Variants in CSMD1 observed in about 807,000 individuals in gnomAD.
CSMD1 encodes the protein CUB and Sushi multiple domains 1, also known as CUB and sushi domain-containing protein 1.
Under a neutral mutation model 417.5 loss-of-function variants are expected in CSMD1, and 213 were observed. The observed-to-expected ratio is 0.51, with a 90% CI of 0.46 to 0.57. The LOEUF (loss-of-function observed/expected upper bound fraction) is 0.57, where lower values mean the gene tolerates loss of function less well. Ranked by LOEUF, CSMD1 falls within the 20% of genes least tolerant of loss-of-function variation. The pLI is 0.00. For synonymous variants in CSMD1, 2,862 were observed against 1,736.8 expected, an observed-to-expected ratio of 1.65 and a Z score of -16.11; for missense variants, 6,923 against 4,529.7, an observed-to-expected ratio of 1.53 and a Z score of -15.17.
chr8:3,011,367 CTGTGATATAAGCATTATCATAATCAGT>C (rs145549991), intron 52 of CSMD1, among the ~76,000 whole-genome samples: 3,123 of 152,224 alleles, frequency 0.021, 111 homozygotes, highest in African/African-American at 0.07. Flanking sequence ...TTCTGCTCTG[CTGTGATATAAGCATTATCATAATCAGT>C]TGTTTTATTA....
chr8:3,960,468 T>A (rs1585037526), intron 5 of CSMD1, among the ~76,000 whole-genome samples: 1 of 152,202 alleles, frequency 6.6e-6, no homozygotes, highest in African/African-American at 2.4e-5. Context: ...GGGGCGAATA[T>A]TATTTATGCC....
intron 2 of CSMD1, among the ~76,000 whole-genome samples, chr8:4,485,163 T>G (rs976394996): frequency 6.6e-6 from 1 of 152,124 alleles, no homozygotes; most frequent in Non-Finnish European, 1.5e-5. Context: ...TCCTTAGATG[T>G]CTACTGATTT....
At chr8:4,204,788 G>A (rs146556910) in intron 3 of CSMD1, among the ~76,000 whole-genome samples, 4 of 152,152 alleles carry the variant, frequency 2.6e-5, no homozygotes, top group Non-Finnish European at 4.4e-5. Context: ...CTGAGTAGCT[G>A]AGACCACAGG....
In CSMD1 at chr8:4,045,921, AT is replaced by A. The variant is rs35979962; in HGVS notation, c.416-13823del. 1.8e-4 allele frequency among the ~76,000 whole-genome samples: 27 copies of A among 152,052 alleles called. 1 individual carries two copies. The highest frequency in any genetic ancestry group is 3.9e-4 in the Admixed American group (6 of 15,260). On this transcript the variant is annotated intron_variant, in intron 3 of 69. Coordinates refer to ENST00000635120, the MANE Select transcript of CSMD1 (RefSeq NM_033225.6). Reference sequence around the variant, plus strand: ...TGGTGAACACACACAGGTATTACATATTTTCTGGAAAAATACATCTAAGTCA... The same window carrying A: ...TGGTGAACACACACAGGTATTACATATTTCTGGAAAAATACATCTAAGTCA...
chr8:3,355,162 C>G (rs979613116), intron 21 of CSMD1, among the ~76,000 whole-genome samples: 1 of 151,150 alleles, frequency 6.6e-6, no homozygotes, highest in African/African-American at 2.5e-5. Flanking sequence ...TACAGTTAAT[C>G]AATAAGAGGA....
At chr8:3,108,485 T>C (rs1816292016) in intron 44 of CSMD1, 118 bp downstream of exon 44, 1 of 1,018,236 alleles carries the variant, frequency 9.8e-7, no homozygotes, top group Admixed American at 2.8e-5. Context: ...TGCAAAAGAA[T>C]CATACACGCC....
intron 1 of CSMD1, among the ~76,000 whole-genome samples, chr8:4,928,018 C>A (rs28651086): frequency 2.7e-3 from 410 of 152,290 alleles, no homozygotes; most frequent in African/African-American, 9.0e-3. Context: ...TCCTCAGCGG[C>A]AAAAGTAGAA....
intron 38 of CSMD1, among the ~76,000 whole-genome samples, chr8:3,160,953 C>A (rs1227860293): frequency 6.6e-6 from 1 of 152,208 alleles, no homozygotes; most frequent in Non-Finnish European, 1.5e-5. Flanking sequence ...CCACACAGTG[C>A]TGTTATTTCA....
chr8:4,021,563 C>T (rs1340531166), intron 4 of CSMD1, among the ~76,000 whole-genome samples: 1 of 152,150 alleles, frequency 6.6e-6, no homozygotes, highest in Non-Finnish European at 1.5e-5. Context: ...GCAGGTGCAC[C>T]TGGGATCATC....
intron 7 of CSMD1, among the ~76,000 whole-genome samples, chr8:3,682,902 T>C (rs1799739651): frequency 1.3e-5 from 2 of 152,172 alleles, no homozygotes; most frequent in Admixed American, 1.3e-4. Flanking sequence ...GAAACATGGA[T>C]GAAGCTGGAA....
intron 2 of CSMD1, among the ~76,000 whole-genome samples, chr8:4,474,240 A>G (rs1357180543): frequency 6.6e-6 from 1 of 152,316 alleles, no homozygotes; most frequent in African/African-American, 2.4e-5. Flanking sequence ...GTATAACACG[A>G]GACATAAATT....
intron 5 of CSMD1, among the ~76,000 whole-genome samples, chr8:3,806,373 C>T (rs1800741752): frequency 1.3e-5 from 2 of 152,202 alleles, no homozygotes; most frequent in South Asian, 4.1e-4. Flanking sequence ...ACCAATATGC[C>T]CCTGAAGCCT....
intron 3 of CSMD1, among the ~76,000 whole-genome samples, chr8:4,312,497 G>A (rs1798686007): frequency 6.9e-6 from 1 of 144,168 alleles, no homozygotes; most frequent in Non-Finnish European, 1.5e-5. Context: ...AGAACTCTAT[G>A]TTTCCAGTTT....
chr8:4,365,706 T>G (rs1802030165), intron 3 of CSMD1, among the ~76,000 whole-genome samples: 1 of 152,196 alleles, frequency 6.6e-6, no homozygotes, highest in Non-Finnish European at 1.5e-5. Flanking sequence ...AGCCTGAGAC[T>G]TTCTGCCACG....
intron 3 of CSMD1, among the ~76,000 whole-genome samples, chr8:4,041,096 A>G (rs547494496): frequency 2.8e-5 from 4 of 140,924 alleles, no homozygotes; most frequent in East Asian, 2.1e-4. Context: ...GGCTCACTGC[A>G]AGCTCCGCCT....
chr8:4,648,682 AT>A (rs1803690522), intron 1 of CSMD1, among the ~76,000 whole-genome samples: 1 of 152,058 alleles, frequency 6.6e-6, no homozygotes, highest in Non-Finnish European at 1.5e-5. Flanking sequence ...CTTTTACTGG[AT>A]TTTTAACATT....
intron 26 of CSMD1, among the ~76,000 whole-genome samples, chr8:3,251,738 A>C (rs957841644): frequency 3.9e-5 from 6 of 152,086 alleles, no homozygotes; most frequent in African/African-American, 1.2e-4. Flanking sequence ...TTTTTATTTC[A>C]TTGAGCAGTG....
At chr8:4,730,600 G>T (rs1290093305) in intron 1 of CSMD1, among the ~76,000 whole-genome samples, 1 of 152,042 alleles carries the variant, frequency 6.6e-6, no homozygotes, top group Non-Finnish European at 1.5e-5. Context: ...AATTAGCCGG[G>T]CGTGGTGGCG....
intron 23 of CSMD1, among the ~76,000 whole-genome samples, chr8:3,328,774 A>T (rs1275766603): frequency 2.0e-5 from 3 of 152,242 alleles, no homozygotes; most frequent in Non-Finnish European, 4.4e-5. Flanking sequence ...TCCAATTTAT[A>T]AACAAAAAAT....
Sources: gnomAD v4.1 joint callset for allele counts (sites outside exome capture counted in the v4.1 genomes callset) on GRCh38, gnomAD v4.1.1 for gene constraint, MANE v1.5 for transcripts, NCBI Gene and HGNC (gene_info 2026-07-23, HGNC 2026-07-21) for gene names.